HS2ST1: variants seen among roughly 807,000 people sequenced by gnomAD.
HS2ST1 encodes 2-O-sulfotransferase.
Under a neutral mutation model 42.9 loss-of-function variants are expected in HS2ST1, and 18 were observed. That is an observed-to-expected ratio of 0.42 (90% CI 0.29 to 0.62). The LOEUF is 0.62. HS2ST1 is among the 20% of genes least tolerant of loss of function. HS2ST1 has a pLI of 0.21. For missense variants in HS2ST1, 334 were observed against 433.8 expected, an observed-to-expected ratio of 0.77 and a Z score of 2.04; for synonymous variants, 146 against 152.9, an observed-to-expected ratio of 0.95 and a Z score of 0.33.
chr1:87,084,950 C>T (rs1189381945), intron 3 of HS2ST1, among the ~76,000 whole-genome samples: 2 of 151,924 alleles, frequency 1.3e-5, no homozygotes, highest in Non-Finnish European at 2.9e-5. Context: ...CGGCCTCTGT[C>T]ATATTAATAG....
At chr1:87,034,599 C>A (rs1420912706) in intron 1 of HS2ST1, among the ~76,000 whole-genome samples, 1 of 152,148 alleles carries the variant, frequency 6.6e-6, no homozygotes, top group Non-Finnish European at 1.5e-5. Context: ...AAATCAGAAT[C>A]ACATTTTGAA....
At chr1:87,091,486 C>T (rs1413258586) in intron 3 of HS2ST1, among the ~76,000 whole-genome samples, 1 of 151,750 alleles carries the variant, frequency 6.6e-6, no homozygotes, top group Non-Finnish European at 1.5e-5. Context: ...TTTCAGATTC[C>T]TAAGAAGAGT....
At chr1:86,931,895 G>T (rs545011357) in intron 1 of HS2ST1, among the ~76,000 whole-genome samples, 15 of 151,868 alleles carry the variant, frequency 9.9e-5, no homozygotes, top group Non-Finnish European at 1.9e-4. Flanking sequence ...GATATTTCTT[G>T]GTGGTTTTTA....
chr1:87,055,807 T>C (rs1226237157), intron 1 of HS2ST1, among the ~76,000 whole-genome samples: 1 of 152,202 alleles, frequency 6.6e-6, no homozygotes, highest in Non-Finnish European at 1.5e-5. Context: ...TTTGCTGCCT[T>C]TCTCTAACAG....
At chr1:86,994,206 A>G (rs1168002343) in intron 1 of HS2ST1, among the ~76,000 whole-genome samples, 2 of 152,220 alleles carry the variant, frequency 1.3e-5, no homozygotes, top group African/African-American at 2.4e-5. Context: ...GCTTAATATA[A>G]TCATTTCATC....
intron 1 of HS2ST1, among the ~76,000 whole-genome samples, chr1:86,917,717 T>G (rs1246234920): frequency 6.6e-6 from 1 of 152,218 alleles, no homozygotes; most frequent in Non-Finnish European, 1.5e-5. Flanking sequence ...GACATTACGC[T>G]GAGATTTAGG....
chr1:87,097,728 G>A lies in HS2ST1; in HGVS notation c.589-110G>A, dbSNP rs1407145871. ...ACATGACTCCAAAAAAAATAAGAGT[G>A]TCTCATCCCACCTACTCTGGCCCAT... On this transcript the variant is annotated intron_variant, in intron 4 of 6. Coordinates refer to ENST00000370550, the MANE Select transcript of HS2ST1 (RefSeq NM_012262.4). 4.1e-6 allele frequency: 5 copies of A among 1,228,004 alleles called. No homozygotes were observed. In the African/African-American group the frequency reaches 6.1e-5, roughly 15 times the overall value. 76.1% of individuals were successfully genotyped at this position (1,228,004 alleles called of 1,614,324 possible).
chr1:87,075,910 T>TA (rs1001900280), intron 2 of HS2ST1, among the ~76,000 whole-genome samples: 4 of 152,142 alleles, frequency 2.6e-5, no homozygotes, highest in African/African-American at 9.7e-5. Context: ...GTGTATGTAA[T>TA]ATACACAAAG....
At chr1:86,922,570 G>A (rs1451586301) in intron 1 of HS2ST1, among the ~76,000 whole-genome samples, 2 of 151,782 alleles carry the variant, frequency 1.3e-5, no homozygotes, top group Non-Finnish European at 2.9e-5. Flanking sequence ...GTCTTTATTT[G>A]CTATAGTGTT....
chr1:86,955,851 G>A (rs1647663108), intron 1 of HS2ST1, among the ~76,000 whole-genome samples: 1 of 152,072 alleles, frequency 6.6e-6, no homozygotes, highest in South Asian at 2.1e-4. Context: ...ACGTGCATGG[G>A]TGGTGCACGC....
At chr1:86,968,400 G>T (rs1160380851) in intron 1 of HS2ST1, among the ~76,000 whole-genome samples, 1 of 149,724 alleles carries the variant, frequency 6.7e-6, no homozygotes, top group Non-Finnish European at 1.5e-5. Context: ...TTTGGCTTAG[G>T]TAATCTTTGG....
intron 3 of HS2ST1, among the ~76,000 whole-genome samples, chr1:87,091,776 T>C (rs560656822): frequency 1.3e-5 from 2 of 152,042 alleles, no homozygotes; most frequent in Non-Finnish European, 2.9e-5. Context: ...GACAAGGGTG[T>C]ATAATAAAAC....
At chr1:87,011,455 G>A (rs1649595865) in intron 1 of HS2ST1, among the ~76,000 whole-genome samples, 1 of 151,558 alleles carries the variant, frequency 6.6e-6, no homozygotes, top group Non-Finnish European at 1.5e-5. Flanking sequence ...TGTTTTCCAA[G>A]GTGGTCTGGA....
intron 1 of HS2ST1, among the ~76,000 whole-genome samples, chr1:86,930,398 AAGAC>A (rs1450916441): frequency 1.3e-5 from 2 of 151,930 alleles, no homozygotes; most frequent in Non-Finnish European, 2.9e-5. Flanking sequence ...AGAATTGAGA[AAGAC>A]AGAATGGAGA....
At chr1:86,964,222 T>C (rs568369860) in intron 1 of HS2ST1, among the ~76,000 whole-genome samples, 1 of 150,948 alleles carries the variant, frequency 6.6e-6, no homozygotes, top group African/African-American at 2.4e-5. Context: ...CACTCCTCAC[T>C]TCCCAGACGG....
chr1:87,012,880 G>C (rs1352844741), intron 1 of HS2ST1, among the ~76,000 whole-genome samples: 2 of 152,198 alleles, frequency 1.3e-5, no homozygotes, highest in Non-Finnish European at 2.9e-5. Context: ...AATCCAGTGG[G>C]GCAGTCAAAT....
rs1036492213 is a variant in HS2ST1 at position 87,057,975 on chromosome 1, C to T, written c.125-14959C>T. Among the ~76,000 whole-genome samples the T allele has an allele frequency of 3.6e-4, 55 of 151,822 alleles. 1 individual carries two copies. Among genetic ancestry groups the T allele is most frequent in the Admixed American group, 3.5e-3 (53 of 15,282 alleles). ...AGTAGGCATCCTACTCCCTTCCTCC[C>T]ACCCAGTTGTTACTGGCCTGCTTCT... On this transcript the variant is annotated intron_variant, in intron 1 of 6. Transcript: ENST00000370550.
In HS2ST1 at chr1:87,041,850, A is replaced by G. The variant is rs1038145112; in HGVS notation, c.125-31084A>G. Among the ~76,000 whole-genome samples the G allele has an allele frequency of 2.0e-5, 3 of 152,302 alleles. No individual in the cohort carries two copies. The South Asian group carries it at 6.2e-4, about 32-fold the overall frequency. On this transcript the variant is annotated intron_variant, in intron 1 of 6. Coordinates refer to ENST00000370550, the MANE Select transcript of HS2ST1 (RefSeq NM_012262.4). ...TTTATCCATTCATCTGTTGATGGAC[A>G]TTAAAGTTGTTTTTACATATTGGCT...
At chr1:87,026,484 G>A (rs1650088658) in intron 1 of HS2ST1, among the ~76,000 whole-genome samples, 1 of 152,110 alleles carries the variant, frequency 6.6e-6, no homozygotes, top group South Asian at 2.1e-4. Context: ...TTTACATTAT[G>A]AAAATATTCT....
Sources: allele counts gnomAD v4.1 joint callset (sites outside exome capture counted in the v4.1 genomes callset), GRCh38; gene constraint gnomAD v4.1.1; transcripts MANE v1.5; gene names NCBI Gene and HGNC (gene_info 2026-07-23, HGNC 2026-07-21).